The following APBB1 variants were observed in gnomAD, a reference collection of about 807,000 sequenced individuals.
The protein encoded by APBB1 is adaptor protein FE65a2.
Under a neutral mutation model 78.4 loss-of-function variants are expected in APBB1, and 22 were observed. That is an observed-to-expected ratio of 0.28 (90% CI 0.20 to 0.40). APBB1 has a LOEUF of 0.40. Among genes scored for constraint, APBB1 ranks in the 10% least tolerant of loss-of-function variants. APBB1 has a pLI of 1.00. For missense variants in APBB1, 749 were observed against 932.4 expected (o/e 0.80, Z 2.56); for synonymous variants, 369 against 372.7 (o/e 0.99, Z 0.12).
Position 6,395,704 on chromosome 11 carries a change from G to A in APBB1, c.1966-3C>T, listed in dbSNP as rs754523671. 38 of 1,587,636 alleles carry A rather than the reference G, an allele frequency of 2.4e-5. No homozygotes were observed. Among genetic ancestry groups the A allele is most frequent in the Non-Finnish European group, 3.4e-6 (4 of 1,165,170 alleles). On this transcript the variant is annotated splice_polypyrimidine_tract_variant and splice_region_variant and intron_variant, in intron 14 of 14. Transcript: ENST00000609360. This position sits in a 1 kb window ranked among gnomAD's most constrained non-coding sequence, Gnocchi z 5.2. ...TCCAGACACTTCTGGTAGCGAAGCT[G>A]CGGAGGCAAGCAGGGCAGTCACTCC...
chr11:6,406,060 G>A (rs1848787636), intron 2 of APBB1, among the ~76,000 whole-genome samples: 1 of 152,166 alleles, frequency 6.6e-6, no homozygotes. Context: ...CTTCCGATCT[G>A]TCCTGGAAGG....
chr11:6,407,843 A>G (rs528882185), intron 2 of APBB1, among the ~76,000 whole-genome samples: 2 of 149,372 alleles, frequency 1.3e-5, no homozygotes, highest in Non-Finnish European at 3.0e-5. Flanking sequence ...GCAGTGGCGC[A>G]ATCTCGGCTC....
At position 6,411,306 on chromosome 11, in the gene APBB1, G is replaced by A. The variant is rs1347894420; in HGVS notation, c.42C>T (p.Ala14=). ...TCAGTGCGGGGCCTCCGTGGCTGTT[G>A]GCATTAATGGCCGACTGGCTCAGTG... ...PSSLSQSAIN[A]NSHGGPALSL... Residue 14 remains alanine (A), a synonymous_variant, in exon 2 of 15, where the codon GCC becomes GCT. Coordinates refer to ENST00000609360, the MANE Select transcript of APBB1 (RefSeq NM_001164.5). This position sits in a 1 kb window ranked among gnomAD's most constrained non-coding sequence, Gnocchi z 5.2. The A allele has an allele frequency of 3.3e-5, 51 of 1,557,524 alleles. No individual in the cohort carries two copies. Among genetic ancestry groups the A allele is most frequent in the Non-Finnish European group, 4.3e-5 (50 of 1,152,676 alleles).
rs1212654556 is a variant in APBB1, at chr11:6,404,865, G to T, written c.722-1043C>A. ...CAGCCCCTCCAGCCCAGCCAGCTGG[G>T]CTCACAGCCTGGTGCTGGGCTGCAG... is the stretch of plus-strand genomic sequence containing the variant. On this transcript the variant is annotated intron_variant, in intron 2 of 14. Transcript: ENST00000609360. 7 of 1,528,358 alleles carry T rather than the reference G, an allele frequency of 4.6e-6. No individual in the cohort carries two copies. In the South Asian group the frequency reaches 6.0e-5, roughly 13 times the overall value. 94.7% of individuals were successfully genotyped at this position (1,528,358 alleles called of 1,614,324 possible).
rs563290554 is a variant in APBB1 at position 6,411,917 on chromosome 11, A to C, written c.-14-556T>G. Among the ~76,000 whole-genome samples, 24 of 152,354 alleles carry C rather than the reference A, an allele frequency of 1.6e-4. No homozygotes were observed. Among genetic ancestry groups the C allele is most frequent in the Non-Finnish European group, 3.2e-4 (22 of 68,040 alleles). ...AGGACAGGAGCAAATAAGCTGCAGA[A>C]CCAGCCCTACAGGGCATGGCACTGG... On this transcript the variant is annotated intron_variant, in intron 1 of 14. Coordinates refer to ENST00000609360, the MANE Select transcript of APBB1 (RefSeq NM_001164.5). This position sits in a 1 kb window ranked among gnomAD's most constrained non-coding sequence, Gnocchi z 5.2.
chr11:6,401,697 G>A lies in APBB1; in HGVS notation c.1389-9C>T, dbSNP rs1382413446. The A allele has an allele frequency of 9.9e-6, 16 of 1,613,924 alleles. No individual in the cohort carries two copies. Among genetic ancestry groups the A allele is most frequent in the Admixed American group, 1.7e-5 (1 of 59,994 alleles). On this transcript the variant is annotated splice_polypyrimidine_tract_variant and intron_variant, in intron 9 of 14. Transcript: ENST00000609360. This position sits in a 1 kb window ranked among gnomAD's most constrained non-coding sequence, Gnocchi z 4.5. ...CTACGTAGGCAAAGTCCCTGTTGGG[G>A]AAGGGGCACCTCAGTGTCTCCCAGT...
At position 6,401,397 on chromosome 11, in the gene APBB1, C is replaced by T; in HGVS notation, c.1536G>A (p.Leu512=). The T allele has an allele frequency of 5.0e-6, 8 of 1,614,018 alleles. No homozygotes were observed. Among genetic ancestry groups the T allele is most frequent in the Non-Finnish European group, 6.8e-6 (8 of 1,180,014 alleles). Residue 512 remains leucine (L), a synonymous_variant, in exon 11 of 15, where the codon TTG becomes TTA. Coordinates refer to ENST00000609360, the MANE Select transcript of APBB1 (RefSeq NM_001164.5). The surrounding 1 kb of genome is among the most constrained non-coding windows in gnomAD (Gnocchi z 4.5). ...AGTGGTCCAGGGAGAGTCCATTTAC[C>T]AAGCAGCGGGCATTACGCCGTTCGG... ...IMAERRNARC[L]VNGLSLDHSK... is the part of the protein sequence containing the mutation.
In APBB1 at chr11:6,403,946, A is replaced by G. The variant is rs1848670521; in HGVS notation, c.722-124T>C. ...TGGTGGAAGAGCTATACCACAACACAGTTCCTGCTTCTGCCTAGAGCCTAT... is the reference window on the plus strand; with the variant it reads ...TGGTGGAAGAGCTATACCACAACACGGTTCCTGCTTCTGCCTAGAGCCTAT... On this transcript the variant is annotated intron_variant, in intron 2 of 14. Coordinates refer to ENST00000609360, the MANE Select transcript of APBB1 (RefSeq NM_001164.5). This position sits in a 1 kb window ranked among gnomAD's most constrained non-coding sequence, Gnocchi z 5.3. The G allele has an allele frequency of 9.5e-7, 1 of 1,052,742 alleles. No homozygotes were observed. Among genetic ancestry groups the G allele is most frequent in the East Asian group, 2.6e-5 (1 of 37,918 alleles). The allele number at this position is 1,052,742 out of a possible 1,614,324, so 65.2% of individuals were successfully genotyped here.
intron 6 of APBB1, 56 bp from the exon 7 acceptor site, chr11:6,402,781 T>G: frequency 6.2e-7 from 1 of 1,605,702 alleles, no homozygotes; most frequent in Non-Finnish European, 8.5e-7. Flanking sequence ...AACTGGAGAG[T>G]TCCTGACTAC....
intron 1 of APBB1, among the ~76,000 whole-genome samples, chr11:6,412,444 T>C (rs997441788): frequency 4.6e-5 from 7 of 152,100 alleles, no homozygotes; most frequent in Admixed American, 2.6e-4. Context: ...AGCCACTGCG[T>C]CCGGCCCAGC....
chr11:6,397,093 T>C (rs561146802), intron 12 of APBB1, among the ~76,000 whole-genome samples: 3 of 152,306 alleles, frequency 2.0e-5, no homozygotes, highest in Non-Finnish European at 4.4e-5. Context: ...CAGGAGCACA[T>C]GTTGTGGCAA....
rs754111087 is a variant in APBB1, at chr11:6,401,495, C to A, written c.1504-66G>T. 6.2e-7 allele frequency: 1 copy of A among 1,612,552 alleles called. No individual in the cohort carries two copies. Among genetic ancestry groups the A allele is most frequent in the Non-Finnish European group, 8.5e-7 (1 of 1,178,974 alleles). ...TAGAGCCTCATTGCCCTGGGGCCCC[C>A]CTACAGCACTCAGTGACCCCACCCA... On this transcript the variant is annotated intron_variant, in intron 10 of 14. Coordinates refer to ENST00000609360, the MANE Select transcript of APBB1 (RefSeq NM_001164.5). The surrounding 1 kb of genome is among the most constrained non-coding windows in gnomAD (Gnocchi z 4.5).
At position 6,395,402 on chromosome 11, in the gene APBB1, A is replaced by T. The variant is rs1848152445; in HGVS notation, c.*132T>A. ...TCCCTCCCCAGCTCCTAGGCAGGGA[A>T]CCGTAGCTACTGGGGAGGGGCATAT... On this transcript the variant is annotated 3_prime_UTR_variant, in exon 15 of 15. Coordinates refer to ENST00000609360, the MANE Select transcript of APBB1 (RefSeq NM_001164.5). The surrounding 1 kb of genome is among the most constrained non-coding windows in gnomAD (Gnocchi z 5.2). The T allele has an allele frequency of 5.4e-6, 5 of 923,922 alleles. No individual in the cohort carries two copies. In the South Asian group the frequency reaches 1.2e-4, roughly 22 times the overall value. The allele number at this position is 923,922 out of a possible 1,614,324, so 57.2% of individuals were successfully genotyped here.
rs1385726202 is a variant in APBB1 at position 6,411,925 on chromosome 11, T to C, written c.-14-564A>G. Among the ~76,000 whole-genome samples the C allele has an allele frequency of 6.6e-6, 1 of 152,190 alleles. No individual in the cohort carries two copies. The highest frequency in any genetic ancestry group is 1.5e-5 in the Non-Finnish European group (1 of 68,026). On this transcript the variant is annotated intron_variant, in intron 1 of 14. Transcript: ENST00000609360. This position sits in a 1 kb window ranked among gnomAD's most constrained non-coding sequence, Gnocchi z 5.2. ...AGCAAATAAGCTGCAGAACCAGCCC[T>C]ACAGGGCATGGCACTGGAAGGCAGG...
intron 2 of APBB1, among the ~76,000 whole-genome samples, chr11:6,407,185 A>G (rs1848831885): frequency 6.6e-6 from 1 of 152,202 alleles, no homozygotes. Context: ...CAGTTGTAAA[A>G]GAGTGACTTG....
chr11:6,418,789 A>T (rs1849184467), intron 1 of APBB1, among the ~76,000 whole-genome samples, 196 bp downstream of exon 1: 1 of 152,074 alleles, frequency 6.6e-6, no homozygotes, highest in Non-Finnish European at 1.5e-5. Context: ...GGACGGTGTG[A>T]GGGCCCGAGT....
rs186538202 is a variant in APBB1, at chr11:6,403,576, G to A, written c.898-32C>T. 694 of 1,613,464 alleles carry A rather than the reference G, an allele frequency of 4.3e-4. 5 individuals are homozygous for A. In the African/African-American group the frequency reaches 8.3e-3, roughly 19 times the overall value. ...GGAGGGATGGGAGTAGTGAGTGAGT[G>A]TCCTATCCTACTCCAGCAGCACACA... On this transcript the variant is annotated intron_variant, in intron 3 of 14. Transcript: ENST00000609360. The surrounding 1 kb of genome is among the most constrained non-coding windows in gnomAD (Gnocchi z 5.3).
chr11:6,397,518 A>C (rs147216240), intron 12 of APBB1, among the ~76,000 whole-genome samples: 332 of 152,358 alleles, frequency 2.2e-3, no homozygotes, highest in African/African-American at 7.8e-3. Flanking sequence ...AGAGAAGAGA[A>C]TGCCCTTGAG....
intron 12 of APBB1, chr11:6,396,451 C>A (rs1848227724): frequency 6.1e-6 from 3 of 494,340 alleles, no homozygotes; most frequent in South Asian, 4.9e-5. Context: ...TCGTTATTTT[C>A]ACCGGCTCTG....
Sources: allele counts gnomAD v4.1 joint callset (sites outside exome capture counted in the v4.1 genomes callset), GRCh38; gene constraint gnomAD v4.1.1; non-coding constraint Gnocchi (gnomAD v3.1); transcripts MANE v1.5; gene names NCBI Gene and HGNC (gene_info 2026-07-23, HGNC 2026-07-21).